The following KLHL13 variants were observed in gnomAD, a reference collection of about 807,000 sequenced individuals.
The protein encoded by KLHL13 is kelch-like protein 13.
A neutral mutation model predicts 37.1 loss-of-function variants in KLHL13; 10 were observed. The observed-to-expected ratio is 0.27, with a 90% CI of 0.17 to 0.46. The LOEUF (loss-of-function observed/expected upper bound fraction) is 0.46. KLHL13 is among the 20% of genes least tolerant of loss of function. The probability of loss-of-function intolerance (pLI) is 1.00; values close to 1 mark genes in which losing one functional copy is unlikely to be tolerated. For missense variants in KLHL13, 360 were observed against 509.3 expected (o/e 0.71, Z 2.82); for synonymous variants, 163 against 181.2 (o/e 0.90, Z 0.81).
chrX:118,093,400 T>C (rs969394380), intron 1 of KLHL13, among the ~76,000 whole-genome samples: 5 of 111,948 alleles, frequency 4.5e-5, no homozygotes, highest in East Asian at 2.8e-4. Flanking sequence ...GAGGAAACCA[T>C]GACGCAATAA....
At chrX:118,108,333 C>A (rs1014155116) in intron 1 of KLHL13, among the ~76,000 whole-genome samples, 6 of 112,215 alleles carry the variant, frequency 5.3e-5, no homozygotes, top group Admixed American at 9.5e-5. Context: ...TGAACTATGT[C>A]TGGCATGGAA....
intron 1 of KLHL13, among the ~76,000 whole-genome samples, chrX:118,078,928 G>A (rs191391677): frequency 1.6e-4 from 18 of 110,879 alleles, no homozygotes; most frequent in African/African-American, 3.9e-4. Flanking sequence ...CAGCACCTTC[G>A]CATTGTCAGT....
chrX:117,972,840 G>T (rs753617833), exon 1 of KLHL13: 1 of 1,207,884 alleles, frequency 8.3e-7, no homozygotes, highest in South Asian at 1.8e-5. Flanking sequence ...TTGTCACCAC[G>T]GTACTACAAT....
exon 1 of KLHL13, chrX:117,972,946 G>C: frequency 9.1e-7 from 1 of 1,095,559 alleles, no homozygotes; most frequent in Admixed American, 3.5e-5. Context: ...ACAAGCAAAG[G>C]ATTCTGCCAG....
chrX:118,091,928 A>C (rs759641210), intron 1 of KLHL13, among the ~76,000 whole-genome samples: 1 of 112,450 alleles, frequency 8.9e-6, no homozygotes, highest in South Asian at 3.7e-4. Context: ...TATACATATC[A>C]GAATATTCTA....
At chrX:117,984,847 TC>T (rs1005192914) in intron 1 of KLHL13, among the ~76,000 whole-genome samples, 2 of 110,503 alleles carry the variant, frequency 1.8e-5, no homozygotes, top group African/African-American at 3.3e-5. Flanking sequence ...TTAATATTAT[TC>T]CTTTTCTTTG....
chrX:118,058,299 CCT>C (rs1569305446), intron 1 of KLHL13, among the ~76,000 whole-genome samples: 1 of 110,922 alleles, frequency 9.0e-6, no homozygotes, highest in African/African-American at 3.3e-5. Flanking sequence ...CTACTCCCCC[CCT>C]CATTTTTATT....
At chrX:118,100,921 G>C (rs1178530024) in intron 1 of KLHL13, among the ~76,000 whole-genome samples, 2 of 111,215 alleles carry the variant, frequency 1.8e-5, no homozygotes, top group Admixed American at 9.6e-5. Context: ...CTATTCCTTC[G>C]GCAATTTTTT....
At chrX:117,965,486 C>A (rs1334180811) in intron 1 of KLHL13, among the ~76,000 whole-genome samples, 3 of 111,643 alleles carry the variant, frequency 2.7e-5, no homozygotes, top group Admixed American at 1.9e-4. Context: ...CAAGGAGGAG[C>A]TGGTACCATT....
chrX:118,079,181 G>A (rs770257918), intron 1 of KLHL13, among the ~76,000 whole-genome samples: 7 of 110,079 alleles, frequency 6.4e-5, no homozygotes, highest in African/African-American at 2.0e-4. Context: ...TTGTAAATTC[G>A]CAGAAAAAGA....
At chrX:118,001,496 T>C (rs1272105120) in intron 1 of KLHL13, among the ~76,000 whole-genome samples, 1 of 111,761 alleles carries the variant, frequency 8.9e-6, no homozygotes, top group Admixed American at 9.5e-5. Context: ...TTTAAAGAAC[T>C]AATGCAATTG....
intron 1 of KLHL13, among the ~76,000 whole-genome samples, chrX:118,089,620 G>GAAAGAAAGAAAGAA (rs773944967): frequency 4.5e-4 from 32 of 71,900 alleles, no homozygotes; most frequent in South Asian, 8.5e-4. Context: ...GAGAAAGAAA[G>GAAAGAAAGAAAGAA]AGAAAGAAAG....
At chrX:118,050,581 T>A (rs1291563897) in intron 1 of KLHL13, among the ~76,000 whole-genome samples, 1 of 111,821 alleles carries the variant, frequency 8.9e-6, no homozygotes, top group Non-Finnish European at 1.9e-5. Context: ...TTTCCTTCTT[T>A]CTTTCCTTCT....
intron 1 of KLHL13, among the ~76,000 whole-genome samples, chrX:118,081,976 G>GTGTA (rs1163738880): frequency 9.5e-6 from 1 of 105,247 alleles, no homozygotes; most frequent in African/African-American, 3.6e-5. Flanking sequence ...GTGTGTGTGT[G>GTGTA]TATACATATA....
At chrX:117,977,664 C>T (rs954911786), upstream of KLHL13, among the ~76,000 whole-genome samples, 2 of 111,940 alleles carry the variant, frequency 1.8e-5, no homozygotes, top group Non-Finnish European at 3.8e-5. Flanking sequence ...CTAAAATATC[C>T]ATGTTATTCA....
chrX:118,101,785 C>T (rs148630577), intron 1 of KLHL13, among the ~76,000 whole-genome samples: 1,204 of 110,991 alleles, frequency 0.011, 15 homozygotes, highest in African/African-American at 0.037. Context: ...CTAATGAGAT[C>T]TGATGGTTTT....
At chrX:117,926,076 C>G (rs1931999020) in intron 2 of KLHL13, among the ~76,000 whole-genome samples, 1 of 112,033 alleles carries the variant, frequency 8.9e-6, no homozygotes, top group African/African-American at 3.3e-5. Flanking sequence ...ATTACTTATT[C>G]AATTATATCC....
intron 1 of KLHL13, among the ~76,000 whole-genome samples, chrX:118,069,364 C>T (rs1295312000): frequency 9.5e-6 from 1 of 104,907 alleles, no homozygotes; most frequent in African/African-American, 3.5e-5. Flanking sequence ...CCTGTGTAGG[C>T]CCAGGCTGAT....
intron 1 of KLHL13, among the ~76,000 whole-genome samples, chrX:118,013,781 G>A (rs904525743): frequency 8.0e-5 from 9 of 112,349 alleles, no homozygotes; most frequent in African/African-American, 2.9e-4. Context: ...CTGGAGCCGA[G>A]GCAGAACATA....
Sources: allele counts gnomAD v4.1 joint callset (sites outside exome capture counted in the v4.1 genomes callset), GRCh38; gene constraint gnomAD v4.1.1; transcripts MANE v1.5; gene names NCBI Gene and HGNC (gene_info 2026-07-23, HGNC 2026-07-21).